Variants in TBC1D4 observed in about 807,000 individuals in gnomAD.
TBC1D4 encodes the protein TBC (Tre-2, BUB2, CDC16) domain-containing protein.
Under a neutral mutation model 142.5 loss-of-function variants are expected in TBC1D4, and 121 were observed. The ratio of observed to expected loss-of-function variants is 0.85; its 90% CI spans 0.73 to 0.99. The LOEUF is 0.99. Among genes scored for constraint, TBC1D4 ranks in the 50% least tolerant of loss-of-function variants. The probability of loss-of-function intolerance (pLI) is 0.00; values close to 1 mark genes in which losing one functional copy is unlikely to be tolerated. For missense variants in TBC1D4, 1,475 were observed against 1,606.6 expected (o/e 0.92, Z 1.40); for synonymous variants, 630 against 628.2 (o/e 1.00, Z -0.04).
chr13:75,414,167 G>A (rs1322109471), intron 1 of TBC1D4, among the ~76,000 whole-genome samples: 1 of 152,218 alleles, frequency 6.6e-6, no homozygotes, highest in East Asian at 1.9e-4. Flanking sequence ...ATGTCAGAGG[G>A]AGGGTGGTAG....
intron 1 of TBC1D4, 149 bp downstream of exon 1, chr13:75,481,121 C>G (rs1411031576): frequency 1.6e-6 from 2 of 1,283,908 alleles, no homozygotes; most frequent in South Asian, 3.1e-5. Context: ...AGGGAAGGGG[C>G]CAGCCGGCGC....
At chr13:75,347,984 T>A (rs1015666738) in intron 5 of TBC1D4, among the ~76,000 whole-genome samples, 4 of 151,914 alleles carry the variant, frequency 2.6e-5, no homozygotes, top group African/African-American at 4.8e-5. Flanking sequence ...AAAAATTTTT[T>A]AAAAAAATTA....
intron 16 of TBC1D4, among the ~76,000 whole-genome samples, chr13:75,300,588 T>C (rs1876431804): frequency 6.6e-6 from 1 of 152,196 alleles, no homozygotes; most frequent in African/African-American, 2.4e-5. Context: ...AACAATTGCA[T>C]GCTGAAGAAA....
At chr13:75,420,762 C>T (rs76045937) in intron 1 of TBC1D4, among the ~76,000 whole-genome samples, 274 of 152,140 alleles carry the variant, frequency 1.8e-3, no homozygotes, top group African/African-American at 6.3e-3. Flanking sequence ...TAGTGGGGTA[C>T]GCAGATGCAA....
chr13:75,301,816 T>A (rs577115756), intron 16 of TBC1D4, among the ~76,000 whole-genome samples: 2 of 152,160 alleles, frequency 1.3e-5, no homozygotes, highest in Non-Finnish European at 2.9e-5. Flanking sequence ...AAGTGACATA[T>A]AAAGGATTGT....
chr13:75,373,670 G>C (rs1883341715), intron 1 of TBC1D4, among the ~76,000 whole-genome samples: 1 of 152,114 alleles, frequency 6.6e-6, no homozygotes, highest in African/African-American at 2.4e-5. Context: ...GCTGCTCCTG[G>C]GGAATGAAAA....
intron 1 of TBC1D4, among the ~76,000 whole-genome samples, chr13:75,393,588 G>A (rs1175384397): frequency 1.3e-5 from 2 of 152,144 alleles, no homozygotes; most frequent in Non-Finnish European, 2.9e-5. Flanking sequence ...ACCCAGACCT[G>A]AGAAATTTGT....
At chr13:75,342,265 T>G (rs1880775116) in intron 5 of TBC1D4, among the ~76,000 whole-genome samples, 1 of 151,890 alleles carries the variant, frequency 6.6e-6, no homozygotes, top group African/African-American at 2.4e-5. Context: ...AGATACCACT[T>G]TACACTAACA....
intron 15 of TBC1D4, among the ~76,000 whole-genome samples, chr13:75,304,886 C>T (rs1288855058): frequency 6.6e-6 from 1 of 151,932 alleles, no homozygotes; most frequent in African/African-American, 2.4e-5. Context: ...ATAGAGCACA[C>T]AATACAAGGT....
chr13:75,306,957 T>C (rs1877246868), intron 14 of TBC1D4, among the ~76,000 whole-genome samples: 1 of 152,186 alleles, frequency 6.6e-6, no homozygotes, highest in Admixed American at 6.5e-5. Context: ...TTCGTTATTT[T>C]CTCTTTCGTT....
intron 1 of TBC1D4, among the ~76,000 whole-genome samples, chr13:75,471,639 G>A (rs1347995681): frequency 2.0e-5 from 3 of 152,014 alleles, no homozygotes; most frequent in Non-Finnish European, 4.4e-5. Flanking sequence ...ATGGGATGCC[G>A]AGGCAGGAGA....
intron 1 of TBC1D4, among the ~76,000 whole-genome samples, chr13:75,366,452 G>GAA (rs11410178): frequency 1.0e-3 from 154 of 152,142 alleles, no homozygotes; most frequent in Non-Finnish European, 1.8e-3. Flanking sequence ...TCAAGAGAGG[G>GAA]AAAAATCACC....
At chr13:75,323,137 C>T (rs2137993146) in intron 11 of TBC1D4, among the ~76,000 whole-genome samples, 1 of 152,150 alleles carries the variant, frequency 6.6e-6, no homozygotes, top group South Asian at 2.1e-4. Context: ...TTAGCATGTA[C>T]TATGTCTAAG....
intron 5 of TBC1D4, among the ~76,000 whole-genome samples, chr13:75,344,657 A>G (rs1033764877): frequency 5.3e-5 from 8 of 152,262 alleles, no homozygotes; most frequent in African/African-American, 1.9e-4. Context: ...CACCCCCTCA[A>G]TTCACTTCAG....
At chr13:75,338,788 A>G (rs1434593948) in intron 7 of TBC1D4, among the ~76,000 whole-genome samples, 1 of 152,098 alleles carries the variant, frequency 6.6e-6, no homozygotes, top group Non-Finnish European at 1.5e-5. Flanking sequence ...TTGAATTCTT[A>G]TTTTTTATTC....
At chr13:75,402,355 T>C (rs1327742119) in intron 1 of TBC1D4, among the ~76,000 whole-genome samples, 1 of 152,206 alleles carries the variant, frequency 6.6e-6, no homozygotes, top group Non-Finnish European at 1.5e-5. Flanking sequence ...TACACCTTCA[T>C]TCTTCTATGC....
intron 1 of TBC1D4, among the ~76,000 whole-genome samples, chr13:75,411,932 T>A (rs935061625): frequency 6.6e-6 from 1 of 152,162 alleles, no homozygotes; most frequent in African/African-American, 2.4e-5. Context: ...TAAATTTTCA[T>A]AAGGCTAAGG....
rs1028902106 is a variant in TBC1D4 at position 75,422,846 on chromosome 13, A to G, written c.498+58424T>C. ...CTATACAAGCAAAACAGAGAATTCAATCAAGTATTCAGCTACTCTCGGTTT... is the reference window on the plus strand; with the variant it reads ...CTATACAAGCAAAACAGAGAATTCAGTCAAGTATTCAGCTACTCTCGGTTT... On this transcript the variant is annotated intron_variant, in intron 1 of 20. Coordinates refer to ENST00000377636, the MANE Select transcript of TBC1D4 (RefSeq NM_014832.5). 1.4e-4 allele frequency among the ~76,000 whole-genome samples: 21 copies of G among 152,212 alleles called. 1 individual carries two copies. Among genetic ancestry groups the G allele is most frequent in the Admixed American group, 1.4e-3 (21 of 15,286 alleles).
rs578248207 is a variant in TBC1D4, at chr13:75,356,265, A to G, written c.1171-14T>C. The G allele has an allele frequency of 1.3e-5, 20 of 1,549,950 alleles. No homozygotes were observed. The South Asian group carries it at 1.9e-4, about 15-fold the overall frequency. ...ATGCTTTATACCCTAGATGGAGGGG[A>G]AGAAGTGCAATAAAAATGTATGGGA... is the stretch of plus-strand genomic sequence containing the variant. On this transcript the variant is annotated splice_polypyrimidine_tract_variant and intron_variant, in intron 3 of 20. Transcript: ENST00000377636.
Sources: gnomAD v4.1 joint callset for allele counts (sites outside exome capture counted in the v4.1 genomes callset) on GRCh38, gnomAD v4.1.1 for gene constraint, MANE v1.5 for transcripts, NCBI Gene and HGNC (gene_info 2026-07-23, HGNC 2026-07-21) for gene names.